SPHKAP: variants seen among roughly 807,000 people sequenced by gnomAD.
SPHKAP encodes the protein SPHK1 interactor, AKAP domain containing.
A neutral mutation model predicts 137.5 loss-of-function variants in SPHKAP; 67 were observed. That is an observed-to-expected ratio of 0.49 (90% CI 0.40 to 0.60). SPHKAP has a LOEUF of 0.60. Among genes scored for constraint, SPHKAP ranks in the 20% least tolerant of loss-of-function variants. The pLI, the probability that SPHKAP is intolerant of heterozygous loss-of-function variation, is 0.00. For synonymous variants in SPHKAP, 813 were observed against 785.3 expected (o/e 1.04, Z -0.59); for missense variants, 2,097 against 2,069.3 (o/e 1.01, Z -0.26).
intron 9 of SPHKAP, 95 bp downstream of exon 9, chr2:227,993,439 G>T: frequency 1.8e-6 from 2 of 1,112,426 alleles, no homozygotes; most frequent in Non-Finnish European, 2.7e-6. Flanking sequence ...ACATGATGAG[G>T]TCAGTGGTTG....
intron 3 of SPHKAP, among the ~76,000 whole-genome samples, chr2:228,071,007 A>G (rs551606873): frequency 2.2e-4 from 33 of 152,192 alleles, no homozygotes; most frequent in African/African-American, 8.0e-4. Context: ...GGCAAGGTAC[A>G]TGATGATTTC....
At chr2:228,173,336 T>G (rs1574919328) in intron 1 of SPHKAP, among the ~76,000 whole-genome samples, 1 of 152,238 alleles carries the variant, frequency 6.6e-6, no homozygotes, top group Non-Finnish European at 1.5e-5. Context: ...TATCCATATC[T>G]TAATTCCTGA....
intron 9 of SPHKAP, among the ~76,000 whole-genome samples, chr2:227,993,032 G>T (rs1411344933): frequency 2.0e-5 from 3 of 151,986 alleles, no homozygotes; most frequent in African/African-American, 7.3e-5. Flanking sequence ...CCTTCTTAAG[G>T]AAGTCCCCAT....
intron 3 of SPHKAP, among the ~76,000 whole-genome samples, chr2:228,085,178 G>A (rs1193249870): frequency 6.6e-6 from 1 of 152,166 alleles, no homozygotes; most frequent in Admixed American, 6.5e-5. Flanking sequence ...TTTGGAAAGG[G>A]TCTTAAAATT....
intron 1 of SPHKAP, among the ~76,000 whole-genome samples, chr2:228,143,664 CTTTTTTTTTTTT>C (rs35440451): frequency 1.0e-5 from 1 of 97,426 alleles, no homozygotes; most frequent in Non-Finnish European, 2.1e-5. Flanking sequence ...AAACACCTGG[CTTTTTTTTTTTT>C]TTTTTTTTTG....
At chr2:228,152,595 T>A (rs1489615154) in intron 1 of SPHKAP, among the ~76,000 whole-genome samples, 1 of 152,164 alleles carries the variant, frequency 6.6e-6, no homozygotes, top group Non-Finnish European at 1.5e-5. Context: ...TTAATGTAAC[T>A]GCTGATATAT....
At chr2:228,172,069 T>C (rs145652078) in intron 1 of SPHKAP, among the ~76,000 whole-genome samples, 67 of 152,250 alleles carry the variant, frequency 4.4e-4, no homozygotes, top group African/African-American at 1.5e-3. Flanking sequence ...TGTGTGTATA[T>C]CCTATTTAAG....
intron 3 of SPHKAP, among the ~76,000 whole-genome samples, chr2:228,083,177 A>G (rs982023786): frequency 2.0e-5 from 3 of 152,258 alleles, no homozygotes; most frequent in Non-Finnish European, 4.4e-5. Context: ...AAAGAAAGCA[A>G]TAGATGGGGT....
At chr2:228,178,650 C>T in intron 1 of SPHKAP, among the ~76,000 whole-genome samples, 1 of 151,928 alleles carries the variant, frequency 6.6e-6, no homozygotes, top group Non-Finnish European at 1.5e-5. Context: ...AAAAAAAAAT[C>T]CCTCTTAAAT....
intron 1 of SPHKAP, among the ~76,000 whole-genome samples, chr2:228,134,432 G>A (rs1437086144): frequency 6.6e-6 from 1 of 152,060 alleles, no homozygotes; most frequent in Admixed American, 6.6e-5. Context: ...CATGGCTCTG[G>A]AAGTCACTTG....
At chr2:228,006,369 G>A (rs1047481877) in intron 7 of SPHKAP, among the ~76,000 whole-genome samples, 5 of 152,022 alleles carry the variant, frequency 3.3e-5, no homozygotes, top group Non-Finnish European at 5.9e-5. Flanking sequence ...TGTAATTCTC[G>A]TGCCACGGTT....
At chr2:227,989,167 C>T (rs1260793203) in intron 11 of SPHKAP, among the ~76,000 whole-genome samples, 1 of 152,032 alleles carries the variant, frequency 6.6e-6, no homozygotes, top group Non-Finnish European at 1.5e-5. Context: ...AATTAAAATG[C>T]AATTACACAG....
At chr2:228,147,988 G>A (rs192828614) in intron 1 of SPHKAP, among the ~76,000 whole-genome samples, 2 of 152,274 alleles carry the variant, frequency 1.3e-5, no homozygotes, top group African/African-American at 2.4e-5. Flanking sequence ...TTTGGAATCC[G>A]AACCTAGACG....
chr2:228,043,511 G>A (rs1248098557), intron 3 of SPHKAP, among the ~76,000 whole-genome samples: 1 of 152,124 alleles, frequency 6.6e-6, no homozygotes, highest in Non-Finnish European at 1.5e-5. Flanking sequence ...ATTTTTAGTA[G>A]AGACAGGGTT....
intron 2 of SPHKAP, chr2:228,131,266 ACT>A (rs1308412042): frequency 1.0e-6 from 1 of 982,996 alleles, no homozygotes; most frequent in African/African-American, 1.7e-5. Context: ...AAATGAAATA[ACT>A]CACTGTGATT....
chr2:227,990,172 C>G (rs1693364875), intron 11 of SPHKAP, among the ~76,000 whole-genome samples: 1 of 152,176 alleles, frequency 6.6e-6, no homozygotes, highest in Non-Finnish European at 1.5e-5. Context: ...GATAAGTGCC[C>G]AGTCAGGCTA....
chr2:227,986,273 A>G (rs1334370326), intron 11 of SPHKAP, among the ~76,000 whole-genome samples: 2 of 152,214 alleles, frequency 1.3e-5, no homozygotes, highest in African/African-American at 4.8e-5. Flanking sequence ...TCAAAAGTCA[A>G]TACCATCAAA....
chr2:228,095,778 T>A (rs2106332568), intron 3 of SPHKAP, among the ~76,000 whole-genome samples: 1 of 152,250 alleles, frequency 6.6e-6, no homozygotes, highest in African/African-American at 2.4e-5. Context: ...ATTTGTTGGA[T>A]GGAGAACTAT....
intron 1 of SPHKAP, among the ~76,000 whole-genome samples, chr2:228,149,735 T>TG (rs1553549157): frequency 6.6e-6 from 1 of 152,090 alleles, no homozygotes; most frequent in Non-Finnish European, 1.5e-5. Flanking sequence ...TCCCTTTTTT[T>TG]GTGACTCATA....
Sources: allele counts gnomAD v4.1 joint callset (sites outside exome capture counted in the v4.1 genomes callset), GRCh38; gene constraint gnomAD v4.1.1; transcripts MANE v1.5; gene names NCBI Gene and HGNC (gene_info 2026-07-23, HGNC 2026-07-21).